The following SPEF2 variants were observed in gnomAD, a reference collection of about 807,000 sequenced individuals.
SPEF2 encodes the protein sperm flagellar and cilia associated 2, also known as sperm flagella and cilia-associated protein 2.
SPEF2 carries 187 observed loss-of-function variants against 224.6 expected under a neutral mutation model. That is an observed-to-expected ratio of 0.83 (90% CI 0.74 to 0.94). The LOEUF is 0.94. SPEF2 is among the 40% of genes least tolerant of loss of function. SPEF2 has a pLI of 0.00. For synonymous variants in SPEF2, 715 were observed against 707.3 expected, an observed-to-expected ratio of 1.01 and a Z score of -0.17; for missense variants, 2,170 against 2,135.6, an observed-to-expected ratio of 1.02 and a Z score of -0.32.
intron 34 of SPEF2, among the ~76,000 whole-genome samples, chr5:35,802,047 A>G (rs1051670683): frequency 2.0e-5 from 3 of 151,558 alleles, no homozygotes; most frequent in South Asian, 2.1e-4. Flanking sequence ...CCTCATTCAT[A>G]TAGAAAAGAA....
rs143841538 is a variant in SPEF2, at chr5:35,723,281, G to C, written c.2915-4394G>C. 2.2e-4 allele frequency among the ~76,000 whole-genome samples: 33 copies of C among 152,314 alleles called. No individual in the cohort carries two copies. In the East Asian group the frequency reaches 6.2e-3, roughly 29 times the overall value. Reference sequence around the variant, plus strand: ...ATTGAAATAACTAGATCATCTATGAGAGCAGAGGCTCTTCAAGTATGGTTT... The same window carrying C: ...ATTGAAATAACTAGATCATCTATGACAGCAGAGGCTCTTCAAGTATGGTTT... On this transcript the variant is annotated intron_variant, in intron 20 of 36. Transcript: ENST00000356031.
rs1212642907 is a variant in SPEF2 at position 35,753,657 on chromosome 5, G to C, written c.3364G>C (p.Ala1122Pro). The change falls in exon 24 of 37, where the codon GCC becomes CCC. Residue 1122 changes from alanine (A) to proline (P), a missense_variant. Transcript: ENST00000356031. ...LRDRLWDICD[A>P]RKEEAEQERL... The stretch of plus-strand genomic sequence containing the variant: ...AGACCGCCTGTGGGACATTTGTGAT[G>C]CCCGGAAGGAAGAGGCGGAGCAGGA... 1 of 1,614,166 alleles carries C rather than the reference G, an allele frequency of 6.2e-7. No individual in the cohort carries two copies. Among genetic ancestry groups the C allele is most frequent in the Non-Finnish European group, 8.5e-7 (1 of 1,180,012 alleles).
chr5:35,695,000 G>A (rs541863239), intron 13 of SPEF2, among the ~76,000 whole-genome samples: 112 of 152,160 alleles, frequency 7.4e-4, no homozygotes, highest in African/African-American at 2.5e-3. Context: ...TAGCTTCCTC[G>A]TATTCTAGCA....
intron 23 of SPEF2, among the ~76,000 whole-genome samples, chr5:35,747,486 A>G (rs976680672): frequency 6.6e-6 from 1 of 152,202 alleles, no homozygotes; most frequent in African/African-American, 2.4e-5. Context: ...AAAGGGGTGG[A>G]AAAAGGCATT....
chr5:35,752,999 A>G (rs1749900093), intron 23 of SPEF2, among the ~76,000 whole-genome samples: 1 of 150,114 alleles, frequency 6.7e-6, no homozygotes, highest in Non-Finnish European at 1.5e-5. Flanking sequence ...CATACTCTAA[A>G]TGCATTGATA....
intron 30 of SPEF2, 38 bp from the exon 31 acceptor site, chr5:35,792,302 C>A: frequency 1.9e-6 from 3 of 1,551,892 alleles, no homozygotes; most frequent in Non-Finnish European, 2.6e-6. Context: ...AAACCATCAC[C>A]TAAACCAAGT....
intron 5 of SPEF2, 52 bp from the exon 6 acceptor site, chr5:35,649,309 A>AT: frequency 4.8e-6 from 7 of 1,459,822 alleles, no homozygotes; most frequent in Admixed American, 1.9e-5. Context: ...GTAAATGAAG[A>AT]TTTTTCAATG....
chr5:35,812,200 A>T (rs1343842711), intron 36 of SPEF2, among the ~76,000 whole-genome samples: 1 of 152,244 alleles, frequency 6.6e-6, no homozygotes, highest in East Asian at 1.9e-4. Flanking sequence ...ACGTGCAATT[A>T]TATGTGGATG....
At chr5:35,789,948 A>G (rs1755721403) in intron 30 of SPEF2, 1 of 702,612 alleles carries the variant, frequency 1.4e-6, no homozygotes, top group Non-Finnish European at 2.6e-6. Context: ...CAAGCTGAGG[A>G]AAGTGGTGGA....
chr5:35,797,165 C>G (rs1174150593), intron 33 of SPEF2, among the ~76,000 whole-genome samples: 1 of 152,100 alleles, frequency 6.6e-6, no homozygotes. Context: ...CACTTGGCAG[C>G]AAAACAGAAA....
At chr5:35,662,839 T>G (rs1212101672) in intron 8 of SPEF2, among the ~76,000 whole-genome samples, 1 of 152,174 alleles carries the variant, frequency 6.6e-6, no homozygotes, top group Non-Finnish European at 1.5e-5. Context: ...TAGTGTAGTT[T>G]GAAATCAGGT....
chr5:35,624,259 T>G (rs2149359842), intron 1 of SPEF2, among the ~76,000 whole-genome samples: 1 of 152,332 alleles, frequency 6.6e-6, no homozygotes, highest in South Asian at 2.1e-4. Context: ...GAGGCAGGGC[T>G]GAGAAGATTA....
intron 16 of SPEF2, among the ~76,000 whole-genome samples, chr5:35,701,287 A>T (rs1738569565): frequency 6.6e-6 from 1 of 152,192 alleles, no homozygotes; most frequent in African/African-American, 2.4e-5. Flanking sequence ...TTAAATACTT[A>T]TGGGTAAAAG....
intron 10 of SPEF2, chr5:35,671,179 G>C: frequency 1.0e-6 from 1 of 985,294 alleles, no homozygotes; most frequent in African/African-American, 1.7e-5. Flanking sequence ...TTCACTGATA[G>C]TACATACTCA....
rs148486569 is a variant in SPEF2 at position 35,691,346 on chromosome 5, G to C, written c.1744+90G>C. The C allele has an allele frequency of 2.6e-5, 26 of 995,910 alleles. No individual in the cohort carries two copies. The Middle Eastern group carries it at 8.1e-4, about 31-fold the overall frequency. The allele number at this position is 995,910 out of a possible 1,614,324, so 61.7% of individuals were successfully genotyped here. A position where few individuals can be genotyped will look rare whatever the true frequency, so the allele number is the denominator to read the frequency against. ...GTCTATGTGTATAAAAAACATACAA[G>C]AAGCACTGCTGATATGTTGGGAAAT... On this transcript the variant is annotated intron_variant, in intron 11 of 36. Transcript: ENST00000356031.
At chr5:35,752,611 T>C (rs1401344362) in intron 23 of SPEF2, among the ~76,000 whole-genome samples, 1 of 212 alleles carries the variant, frequency 4.7e-3, no homozygotes, top group Non-Finnish European at 0.011. Context: ...TGAATTATTA[T>C]TATTGCAAAA....
At chr5:35,635,987 T>A (rs1745780958) in intron 2 of SPEF2, among the ~76,000 whole-genome samples, 1 of 152,170 alleles carries the variant, frequency 6.6e-6, no homozygotes, top group Admixed American at 6.5e-5. Context: ...GTATAGGTCA[T>A]ACTTTCTTGT....
chr5:35,710,172 A>G (rs1390999295), intron 19 of SPEF2: 7 of 984,802 alleles, frequency 7.1e-6, no homozygotes, highest in Middle Eastern at 5.2e-4. Flanking sequence ...CATGAATTAA[A>G]CATACACCCT....
intron 6 of SPEF2, among the ~76,000 whole-genome samples, 169 bp from the exon 7 acceptor site, chr5:35,654,371 T>C (rs1023125436): frequency 6.6e-6 from 1 of 152,170 alleles, no homozygotes; most frequent in African/African-American, 2.4e-5. Context: ...GATCTGTTGA[T>C]AAGCTATTGG....
Sources: gnomAD v4.1 joint callset for allele counts (sites outside exome capture counted in the v4.1 genomes callset) on GRCh38, gnomAD v4.1.1 for gene constraint, MANE v1.5 for transcripts, NCBI Gene and HGNC (gene_info 2026-07-23, HGNC 2026-07-21) for gene names.